The following CAB39 variants were observed in gnomAD, a reference collection of about 807,000 sequenced individuals.
CAB39 encodes calcium binding protein 39, also known as calcium-binding protein 39.
In CAB39, 8 loss-of-function variants were observed where a neutral mutation model predicts 40.0. The ratio of observed to expected loss-of-function variants is 0.20; its 90% CI spans 0.12 to 0.36. The LOEUF is 0.36. Among genes scored for constraint, CAB39 ranks in the 10% least tolerant of loss-of-function variants. CAB39 has a pLI of 1.00. For synonymous variants in CAB39, 156 were observed against 141.6 expected (o/e 1.10, Z -0.72); for missense variants, 270 against 401.1 (o/e 0.67, Z 2.79).
chr2:230,790,268 AT>A (rs1271587311), intron 2 of CAB39, among the ~76,000 whole-genome samples: 1 of 152,034 alleles, frequency 6.6e-6, no homozygotes, highest in Admixed American at 6.5e-5. Flanking sequence ...CGTTTTATGT[AT>A]CTTATCCTAC....
intron 1 of CAB39, among the ~76,000 whole-genome samples, chr2:230,758,163 G>C (rs1040578756): frequency 6.6e-6 from 1 of 151,962 alleles, no homozygotes; most frequent in Non-Finnish European, 1.5e-5. Context: ...CTGGGTTGGT[G>C]GTGCACACCT....
intron 7 of CAB39, among the ~76,000 whole-genome samples, chr2:230,815,337 A>G (rs578036497): frequency 1.3e-5 from 2 of 152,116 alleles, no homozygotes; most frequent in South Asian, 2.1e-4. Context: ...CTGTCCTTTC[A>G]TCTTTGGGGG....
chr2:230,718,843 A>G (rs1694398278), intron 1 of CAB39, among the ~76,000 whole-genome samples: 1 of 152,176 alleles, frequency 6.6e-6, no homozygotes, highest in South Asian at 2.1e-4. Flanking sequence ...AGCTTTCTGC[A>G]AAGTGAAGTC....
chr2:230,814,605 CTA>C (rs1260950230), intron 7 of CAB39, among the ~76,000 whole-genome samples: 2 of 152,166 alleles, frequency 1.3e-5, no homozygotes, highest in African/African-American at 4.8e-5. Context: ...GGTTGGCAAA[CTA>C]CAACCCATGG....
intron 1 of CAB39, among the ~76,000 whole-genome samples, chr2:230,722,098 G>T (rs931009930): frequency 1.1e-4 from 17 of 148,678 alleles, no homozygotes; most frequent in Non-Finnish European, 2.1e-4. Context: ...TTTTTGACCA[G>T]TGACCCAACA....
intron 1 of CAB39, among the ~76,000 whole-genome samples, chr2:230,720,700 G>A (rs974461086): frequency 6.6e-6 from 1 of 152,176 alleles, no homozygotes; most frequent in East Asian, 1.9e-4. Flanking sequence ...GGTTACAGGC[G>A]TGAGCCACCG....
chr2:230,767,581 C>T (rs757681258), intron 2 of CAB39, among the ~76,000 whole-genome samples: 1 of 152,116 alleles, frequency 6.6e-6, no homozygotes, highest in Non-Finnish European at 1.5e-5. Flanking sequence ...TTATCAATCT[C>T]GTGAGCTAAG....
intron 2 of CAB39, among the ~76,000 whole-genome samples, chr2:230,770,901 A>G (rs541689634): frequency 1.5e-4 from 23 of 152,334 alleles, no homozygotes; most frequent in Admixed American, 1.4e-3. Context: ...TCAAGCTGAT[A>G]AAGGGCATCT....
intron 4 of CAB39, 60 bp from the exon 5 acceptor site, chr2:230,798,669 G>GTTGGAGT: frequency 6.9e-7 from 1 of 1,448,858 alleles, no homozygotes; most frequent in South Asian, 1.3e-5. Context: ...ACTGTTCAGT[G>GTTGGAGT]TTGGAGTTTT....
intron 1 of CAB39, among the ~76,000 whole-genome samples, chr2:230,719,083 T>C (rs1365022746): frequency 2.6e-5 from 4 of 152,220 alleles, no homozygotes; most frequent in Non-Finnish European, 5.9e-5. Context: ...ATATTTGTGA[T>C]GTAGCTGGCA....
chr2:230,789,768 T>C (rs1364398727), intron 2 of CAB39, among the ~76,000 whole-genome samples: 1 of 152,228 alleles, frequency 6.6e-6, no homozygotes, highest in African/African-American at 2.4e-5. Context: ...CTTCTTGGCC[T>C]CCCTGGGTTG....
intron 1 of CAB39, among the ~76,000 whole-genome samples, chr2:230,733,212 C>T (rs767529327): frequency 5.3e-5 from 8 of 152,170 alleles, no homozygotes; most frequent in Non-Finnish European, 1.0e-4. Flanking sequence ...ATTTATTCAT[C>T]GTGCCCCCCT....
At chr2:230,781,396 A>G (rs11683585) in intron 2 of CAB39, among the ~76,000 whole-genome samples, 54,863 of 152,064 alleles carry the variant, frequency 0.36, 13,712 homozygotes, top group African/African-American at 0.71. Context: ...AAGTCGAATG[A>G]CATGGTGTAT....
intron 2 of CAB39, among the ~76,000 whole-genome samples, chr2:230,789,232 T>A (rs964751372): frequency 1.3e-5 from 2 of 152,260 alleles, no homozygotes; most frequent in Admixed American, 1.3e-4. Flanking sequence ...GGTGTTTTTT[T>A]ATGCCTTTCA....
At chr2:230,810,524 C>T (rs1208235784) in intron 6 of CAB39, among the ~76,000 whole-genome samples, 1 of 152,138 alleles carries the variant, frequency 6.6e-6, no homozygotes, top group African/African-American at 2.4e-5. Context: ...ACATACTGCC[C>T]TTTGAAGCTT....
At chr2:230,768,534 G>A (rs1418641035) in intron 2 of CAB39, among the ~76,000 whole-genome samples, 1 of 152,166 alleles carries the variant, frequency 6.6e-6, no homozygotes, top group Non-Finnish European at 1.5e-5. Context: ...CAGTTCTCAA[G>A]TCTAAGCTGA....
intron 8 of CAB39, 27 bp downstream of exon 8, chr2:230,817,924 C>G (rs1696431753): frequency 6.3e-7 from 1 of 1,589,840 alleles, no homozygotes; most frequent in Non-Finnish European, 8.5e-7. Flanking sequence ...ATCAGTGATA[C>G]TGTCCACTGG....
intron 2 of CAB39, among the ~76,000 whole-genome samples, chr2:230,775,678 G>T (rs998454492): frequency 6.6e-6 from 1 of 150,882 alleles, no homozygotes; most frequent in East Asian, 1.9e-4. Context: ...ACAGTGGTGC[G>T]CATTGGAGTT....
intron 2 of CAB39, among the ~76,000 whole-genome samples, chr2:230,760,871 A>G (rs1350298726): frequency 6.6e-6 from 1 of 152,018 alleles, no homozygotes; most frequent in Non-Finnish European, 1.5e-5. Flanking sequence ...AGTTGTTCAT[A>G]CTCTTTGTGA....
Sources: allele counts gnomAD v4.1 joint callset (sites outside exome capture counted in the v4.1 genomes callset), GRCh38; gene constraint gnomAD v4.1.1; transcripts MANE v1.5; gene names NCBI Gene and HGNC (gene_info 2026-07-23, HGNC 2026-07-21).